HDAC9: variants seen among roughly 807,000 people sequenced by gnomAD.
The protein encoded by HDAC9 is MEF-2 interacting transcription repressor (MITR) protein.
A neutral mutation model predicts 139.4 loss-of-function variants in HDAC9; 41 were observed. That is an observed-to-expected ratio of 0.29 (90% confidence interval 0.23 to 0.38). The LOEUF (loss-of-function observed/expected upper bound fraction) is 0.38. Among genes scored for constraint, HDAC9 ranks in the 10% least tolerant of loss-of-function variants. The probability of loss-of-function intolerance (pLI) is 1.00; values close to 1 mark genes in which losing one functional copy is unlikely to be tolerated. For synonymous variants in HDAC9, 517 were observed against 476.2 expected (o/e 1.09, Z -1.12); for missense variants, 1,147 against 1,297.0 (o/e 0.88, Z 1.78).
intron 17 of HDAC9, among the ~76,000 whole-genome samples, chr7:18,803,629 A>G (rs1793479398): frequency 6.6e-6 from 1 of 152,160 alleles, no homozygotes; most frequent in African/African-American, 2.4e-5. Flanking sequence ...AATTTTGATG[A>G]GGAAAAATCA....
intron 11 of HDAC9, among the ~76,000 whole-genome samples, chr7:18,656,515 A>G (rs892008777): frequency 3.3e-5 from 5 of 152,144 alleles, no homozygotes; most frequent in African/African-American, 7.2e-5. Context: ...AGATTTTTCA[A>G]GAGAAGTTTC....
chr7:18,177,243 G>A (rs1788990800), intron 2 of HDAC9, among the ~76,000 whole-genome samples: 1 of 152,196 alleles, frequency 6.6e-6, no homozygotes, highest in Non-Finnish European at 1.5e-5. Context: ...CACCCTGTTA[G>A]TACCTGCATT....
At chr7:18,774,903 T>C (rs62446608) in intron 16 of HDAC9, among the ~76,000 whole-genome samples, 34,919 of 151,998 alleles carry the variant, frequency 0.23, 4,711 homozygotes, top group East Asian at 0.61. Context: ...CATGCCTTCT[T>C]CGCTAAGCTT....
intron 22 of HDAC9, among the ~76,000 whole-genome samples, chr7:18,881,288 A>G (rs1174277584): frequency 6.6e-6 from 1 of 152,146 alleles, no homozygotes. Flanking sequence ...AAGATAAATT[A>G]GTTTCCTCAT....
intron 1 of HDAC9, chr7:18,151,727 T>A (rs755411739): frequency 2.6e-5 from 4 of 152,176 alleles, no homozygotes; most frequent in African/African-American, 4.8e-5. Context: ...TCCTTGGGAA[T>A]GGAATGTGCT....
intron 6 of HDAC9, among the ~76,000 whole-genome samples, chr7:18,620,043 C>CT (rs1839794652): frequency 6.6e-6 from 1 of 152,152 alleles, no homozygotes; most frequent in African/African-American, 2.4e-5. Context: ...GACTCTCTGT[C>CT]TTTTCTCTGG....
intron 1 of HDAC9, among the ~76,000 whole-genome samples, chr7:18,448,473 A>C (rs984620769): frequency 6.6e-6 from 1 of 152,202 alleles, no homozygotes; most frequent in Non-Finnish European, 1.5e-5. Context: ...AAGATTTTAT[A>C]TATGTATGGT....
chr7:18,395,179 T>G (rs1786905124), intron 1 of HDAC9: 1 of 152,018 alleles, frequency 6.6e-6, no homozygotes, highest in Non-Finnish European at 1.5e-5. Flanking sequence ...AGGATGATAG[T>G]TGAGGTAAGT....
chr7:18,891,087 C>T (rs757254726), intron 22 of HDAC9, among the ~76,000 whole-genome samples: 8 of 152,178 alleles, frequency 5.3e-5, no homozygotes, highest in Non-Finnish European at 1.0e-4. Context: ...GAGCTGCCAG[C>T]TCTGTTCATT....
intron 2 of HDAC9, among the ~76,000 whole-genome samples, chr7:18,268,330 C>T (rs893490511): frequency 6.6e-6 from 1 of 152,016 alleles, no homozygotes; most frequent in African/African-American, 2.4e-5. Flanking sequence ...ATGGCTATAT[C>T]TTATTTCTCA....
At chr7:18,450,477 A>G (rs921325415) in intron 1 of HDAC9, among the ~76,000 whole-genome samples, 1 of 152,150 alleles carries the variant, frequency 6.6e-6, no homozygotes, top group East Asian at 1.9e-4. Flanking sequence ...AGAGCTTGTA[A>G]ACTTATTTTT....
chr7:18,767,193 A>C (rs200824000), intron 16 of HDAC9, 38 bp downstream of exon 16: 1 of 1,183,936 alleles, frequency 8.4e-7, no homozygotes, highest in Non-Finnish European at 1.2e-6. Context: ...AAATAACATA[A>C]AATTACAAAA....
intron 1 of HDAC9, among the ~76,000 whole-genome samples, chr7:18,136,488 G>T (rs1018009295): frequency 5.7e-4 from 86 of 152,142 alleles, no homozygotes; most frequent in African/African-American, 1.2e-3. Context: ...GTATAAGGTG[G>T]AAGGAAGGGA....
chr7:18,940,644 A>T (rs2853552), intron 23 of HDAC9, among the ~76,000 whole-genome samples: 4 of 151,970 alleles, frequency 2.6e-5, no homozygotes, highest in Non-Finnish European at 4.4e-5. Context: ...TTTAGAATTC[A>T]TAATAGAAAC....
chr7:18,547,820 C>CTTCCTTCCTTCCTTCCTTCCTTCT (rs1298675192), intron 2 of HDAC9, among the ~76,000 whole-genome samples: 8 of 121,000 alleles, frequency 6.6e-5, no homozygotes, highest in African/African-American at 2.6e-4. Context: ...TCCTTCCTTC[C>CTTCCTTCCTTCCTTCCTTCCTTCT]TTCCTTCCTT....
chr7:18,806,992 C>G lies in HDAC9; in HGVS notation c.2322+13540C>G, dbSNP rs540665764. Among the ~76,000 whole-genome samples, 4 of 152,218 alleles carry G rather than the reference C, an allele frequency of 2.6e-5. No individual in the cohort carries two copies. The South Asian group carries it at 6.2e-4, about 24-fold the overall frequency. ...TCATAAAATTAGTTAGAAATGCTCC[C>G]TTCTTTTTTAATTTTTGAAAGGGTT... On this transcript the variant is annotated intron_variant, in intron 17 of 25. Coordinates refer to ENST00000686413, the MANE Select transcript of HDAC9 (RefSeq NM_178425.4).
At chr7:18,228,838 A>C (rs1396392826) in intron 2 of HDAC9, among the ~76,000 whole-genome samples, 3 of 152,140 alleles carry the variant, frequency 2.0e-5, no homozygotes, top group Non-Finnish European at 4.4e-5. Flanking sequence ...TGTTATCTTT[A>C]TAAGTTTATG....
chr7:18,649,727 T>G (rs1788652147), intron 11 of HDAC9, among the ~76,000 whole-genome samples: 1 of 152,136 alleles, frequency 6.6e-6, no homozygotes, highest in South Asian at 2.1e-4. Flanking sequence ...TTATGGCAAG[T>G]GTTGCTGGAG....
intron 19 of HDAC9, among the ~76,000 whole-genome samples, chr7:18,835,041 T>C (rs1440968698): frequency 8.5e-5 from 13 of 152,208 alleles, no homozygotes; most frequent in Non-Finnish European, 1.9e-4. Context: ...TAATTAAGCC[T>C]GAGGGGTTAT....
Sources: allele counts gnomAD v4.1 joint callset (sites outside exome capture counted in the v4.1 genomes callset), GRCh38; gene constraint gnomAD v4.1.1; transcripts MANE v1.5; gene names NCBI Gene and HGNC (gene_info 2026-07-23, HGNC 2026-07-21).